ZHX3: variants seen among roughly 807,000 people sequenced by gnomAD.
ZHX3 encodes the protein zinc fingers and homeoboxes protein 3.
In ZHX3, 20 loss-of-function variants were observed where a neutral mutation model predicts 64.5. That is an observed-to-expected ratio of 0.31 (90% confidence interval 0.22 to 0.45). The LOEUF (loss-of-function observed/expected upper bound fraction) is 0.45. Ranked by LOEUF, ZHX3 falls within the 20% of genes least tolerant of loss-of-function variation. ZHX3 has a pLI of 1.00. For missense variants in ZHX3, 1,041 were observed against 1,195.8 expected (o/e 0.87, Z 1.91); for synonymous variants, 423 against 461.6 (o/e 0.92, Z 1.07).
intron 1 of ZHX3, among the ~76,000 whole-genome samples, chr20:41,294,403 C>T (rs550405149): frequency 4.0e-4 from 61 of 152,160 alleles, no homozygotes; most frequent in African/African-American, 1.4e-3. Context: ...ACTCTGTCTC[C>T]CAGGCTGAAG....
intron 1 of ZHX3, among the ~76,000 whole-genome samples, chr20:41,284,705 T>C (rs901678069): frequency 6.6e-6 from 1 of 152,258 alleles, no homozygotes. Flanking sequence ...TTGATTGCTC[T>C]CATCCTGGAA....
intron 2 of ZHX3, among the ~76,000 whole-genome samples, chr20:41,250,862 C>A (rs1168919002): frequency 6.6e-6 from 1 of 152,120 alleles, no homozygotes; most frequent in Non-Finnish European, 1.5e-5. Context: ...ACCATGGAGG[C>A]CTGGCCGGGC....
At chr20:41,262,671 G>T (rs145418344) in intron 2 of ZHX3, among the ~76,000 whole-genome samples, 1 of 152,138 alleles carries the variant, frequency 6.6e-6, no homozygotes, top group African/African-American at 2.4e-5. Flanking sequence ...CTTTACTTTT[G>T]TATCTCCTGC....
intron 3 of ZHX3, among the ~76,000 whole-genome samples, chr20:41,190,873 C>T (rs2036959517): frequency 6.6e-6 from 1 of 152,120 alleles, no homozygotes. Flanking sequence ...TCATTTTCTC[C>T]TGATCTGTAA....
intron 2 of ZHX3, among the ~76,000 whole-genome samples, chr20:41,250,672 A>T (rs1600506972): frequency 6.6e-6 from 1 of 152,146 alleles, no homozygotes; most frequent in African/African-American, 2.4e-5. Context: ...GCTGAAGGAC[A>T]TAAACCTAGA....
At position 41,178,521 on chromosome 20, in the gene ZHX3, G is replaced by A. The variant is rs1317598185; in HGVS notation, c.*6670C>T. ...GTACCATTGAGGCCCATTTCAAATT[G>A]TACAAGCAATTTGTCCGTGTTCCCC... On this transcript the variant is annotated 3_prime_UTR_variant, in exon 4 of 4. Transcript: ENST00000683867. 6.6e-6 allele frequency: 1 copy of A among 152,640 alleles called. No individual in the cohort carries two copies. The highest frequency in any genetic ancestry group is 1.5e-5 in the Non-Finnish European group (1 of 68,042). 9.5% of individuals were successfully genotyped at this position (152,640 alleles called of 1,614,324 possible). A position where few individuals can be genotyped will look rare whatever the true frequency, so the allele number is the denominator to read the frequency against.
intron 1 of ZHX3, among the ~76,000 whole-genome samples, chr20:41,315,440 G>A (rs544178885): frequency 3.7e-5 from 5 of 136,508 alleles, no homozygotes; most frequent in Admixed American, 8.2e-5. Flanking sequence ...TGATCCGCCC[G>A]CCTCGGCCTC....
chr20:41,238,210 T>C (rs745875680), intron 2 of ZHX3, among the ~76,000 whole-genome samples: 38 of 152,236 alleles, frequency 2.5e-4, no homozygotes, highest in Non-Finnish European at 8.8e-5. Context: ...CAATACCCAT[T>C]ATTTGTTTGC....
intron 2 of ZHX3, among the ~76,000 whole-genome samples, chr20:41,244,037 A>G (rs2041544298): frequency 6.6e-6 from 1 of 152,156 alleles, no homozygotes; most frequent in African/African-American, 2.4e-5. Flanking sequence ...TTAGGGCTAG[A>G]TAATCCTATG....
intron 1 of ZHX3, among the ~76,000 whole-genome samples, chr20:41,278,516 A>T (rs1204153380): frequency 7.1e-6 from 1 of 140,934 alleles, no homozygotes. Context: ...TCTGATAAAC[A>T]TCTCTCATGT....
At chr20:41,304,069 C>T (rs1341279844) in intron 1 of ZHX3, among the ~76,000 whole-genome samples, 1 of 152,174 alleles carries the variant, frequency 6.6e-6, no homozygotes, top group African/African-American at 2.4e-5. Flanking sequence ...TGTACTCCCA[C>T]CTTCTTGAAA....
At chr20:41,190,860 A>C (rs772513487) in intron 3 of ZHX3, among the ~76,000 whole-genome samples, 1 of 151,856 alleles carries the variant, frequency 6.6e-6, no homozygotes, top group Admixed American at 6.6e-5. Flanking sequence ...TCAACATATT[A>C]TCTCATTTTC....
chr20:41,303,191 C>T (rs2044875620), intron 1 of ZHX3, among the ~76,000 whole-genome samples: 1 of 152,204 alleles, frequency 6.6e-6, no homozygotes. Flanking sequence ...GACACAGGAC[C>T]CCTGACTCTT....
Position 41,292,093 on chromosome 20 carries a change from G to C in ZHX3, c.-244-23010C>G, listed in dbSNP as rs1400395688. 3.3e-5 allele frequency among the ~76,000 whole-genome samples: 5 copies of C among 150,396 alleles called. No individual in the cohort carries two copies. The East Asian group carries it at 9.7e-4, about 29-fold the overall frequency. On this transcript the variant is annotated intron_variant, in intron 1 of 3. Coordinates refer to ENST00000683867, the MANE Select transcript of ZHX3 (RefSeq NM_001384317.1). ...TCCAAGTCATTTCATTTTCAATCTG[G>C]ATTGAATATTGGCATTATTGCTTAT...
chr20:41,309,795 T>TCTCTGACCACACAGATGGCTG (rs1267373801), intron 1 of ZHX3, among the ~76,000 whole-genome samples: 1 of 152,206 alleles, frequency 6.6e-6, no homozygotes, highest in African/African-American at 2.4e-5. Flanking sequence ...TCTGATGGCT[T>TCTCTGACCACACAGATGGCTG]CTCTGACCAC....
intron 2 of ZHX3, among the ~76,000 whole-genome samples, chr20:41,256,768 G>A (rs533077564): frequency 9.2e-5 from 14 of 151,444 alleles, no homozygotes; most frequent in Admixed American, 2.0e-4. Context: ...CAGACTTCCC[G>A]TCTGCTGTCC....
rs1386260560 is a variant in ZHX3 at position 41,195,945 on chromosome 20, G to T, written c.2860+6112C>A. ...TGTCTAGTTTCATTCCACTGTAACT[G>T]GAATGTACTCTGTATAATCTCAGTT... On this transcript the variant is annotated intron_variant, in intron 3 of 3. Transcript: ENST00000683867. The surrounding 1 kb of genome is among the most constrained non-coding windows in gnomAD (Gnocchi z 4.2). Among the ~76,000 whole-genome samples, 1 of 151,902 alleles carries T rather than the reference G, an allele frequency of 6.6e-6. No individual in the cohort carries two copies. The highest frequency in any genetic ancestry group is 2.4e-5 in the African/African-American group (1 of 41,310).
At chr20:41,239,079 T>C (rs1395813145) in intron 2 of ZHX3, among the ~76,000 whole-genome samples, 1 of 139,940 alleles carries the variant, frequency 7.1e-6, no homozygotes, top group South Asian at 2.4e-4. Flanking sequence ...CTCGGCTCAC[T>C]GCAAGCTCCG....
intron 3 of ZHX3, among the ~76,000 whole-genome samples, chr20:41,188,233 T>C (rs1212259115): frequency 2.0e-5 from 3 of 152,220 alleles, no homozygotes; most frequent in Non-Finnish European, 4.4e-5. Context: ...TTATTTTTTG[T>C]CTTTTTAATA....
Sources: gnomAD v4.1 joint callset for allele counts (sites outside exome capture counted in the v4.1 genomes callset) on GRCh38, gnomAD v4.1.1 for gene constraint, Gnocchi (gnomAD v3.1) non-coding constraint, MANE v1.5 for transcripts, NCBI Gene and HGNC (gene_info 2026-07-23, HGNC 2026-07-21) for gene names.